The following PDE1C variants were observed in gnomAD, a reference collection of about 807,000 sequenced individuals.
PDE1C encodes phosphodiesterase 1C, also known as dual specificity calcium/calmodulin-dependent 3',5'-cyclic nucleotide phosphodiesterase 1C.
In PDE1C, 62 loss-of-function variants were observed where a neutral mutation model predicts 93.1. The observed-to-expected ratio is 0.67, with a 90% CI of 0.54 to 0.82. The LOEUF (loss-of-function observed/expected upper bound fraction) is 0.82. Ranked by LOEUF, PDE1C falls within the 40% of genes least tolerant of loss-of-function variation. PDE1C has a pLI of 0.00. For synonymous variants in PDE1C, 325 were observed against 310.1 expected (o/e 1.05, Z -0.50); for missense variants, 742 against 884.6 (o/e 0.84, Z 2.04).
intron 6 of PDE1C, among the ~76,000 whole-genome samples, chr7:31,867,031 A>T (rs1454379567): frequency 6.6e-6 from 1 of 152,032 alleles, no homozygotes; most frequent in Non-Finnish European, 1.5e-5. Context: ...AGCCCCCACC[A>T]GACTGCATAC....
At chr7:31,663,067 G>A in the PDE1C span, among the ~76,000 whole-genome samples, 4,790 of 152,094 alleles carry the variant, frequency 0.031, 156 homozygotes, top group African/African-American at 0.081. Context: ...TATAACTCCC[G>A]GTGCTGGACA....
chr7:31,931,140 G>A (rs1196156311), intron 2 of PDE1C, among the ~76,000 whole-genome samples: 3 of 152,108 alleles, frequency 2.0e-5, no homozygotes, highest in African/African-American at 7.2e-5. Context: ...CATACTGACT[G>A]GGTAAAAGCT....
intron 1 of PDE1C, among the ~76,000 whole-genome samples, chr7:32,339,664 A>G (rs1337606307): frequency 6.6e-6 from 1 of 152,184 alleles, no homozygotes; most frequent in Admixed American, 6.5e-5. Flanking sequence ...TGAGTCCCAG[A>G]AGCCCCATTG....
At chr7:31,807,787 C>T (rs1787042553) in intron 16 of PDE1C, among the ~76,000 whole-genome samples, 1 of 151,918 alleles carries the variant, frequency 6.6e-6, no homozygotes, top group African/African-American at 2.4e-5. Flanking sequence ...GGTATTTAAA[C>T]AAACCTTACC....
intron 1 of PDE1C, among the ~76,000 whole-genome samples, chr7:32,260,170 T>C (rs991363315): frequency 6.6e-6 from 1 of 152,132 alleles, no homozygotes; most frequent in Non-Finnish European, 1.5e-5. Flanking sequence ...AAGCAGAAAG[T>C]CTACGAAAAT....
chr7:32,179,141 C>A (rs961223915), intron 2 of PDE1C, among the ~76,000 whole-genome samples: 27 of 152,072 alleles, frequency 1.8e-4, no homozygotes, highest in African/African-American at 6.5e-4. Context: ...TATTACAGAG[C>A]AAGTAAACAG....
intron 1 of PDE1C, among the ~76,000 whole-genome samples, chr7:32,284,803 C>T (rs1230416167): frequency 5.3e-5 from 8 of 152,024 alleles, no homozygotes; most frequent in South Asian, 2.1e-4. Context: ...GAGGCTGAAG[C>T]GGGCAGATCA....
At chr7:31,680,443 G>A in the PDE1C span, among the ~76,000 whole-genome samples, 7 of 152,138 alleles carry the variant, frequency 4.6e-5, no homozygotes, top group African/African-American at 1.7e-4. Flanking sequence ...CGGAGAAGAG[G>A]GACCTTTATT....
rs191007533 is a variant in PDE1C, at chr7:32,196,878, A to T, written c.136+12611T>A. On this transcript the variant is annotated intron_variant, in intron 2 of 18. Transcript: ENST00000396193. The stretch of plus-strand genomic sequence containing the variant: ...TGGTGACTGATGAGGGAGAATAGAG[A>T]TGCATATATGATTTGTAGGTTTTCA... Among the ~76,000 whole-genome samples the T allele has an allele frequency of 4.3e-4, 66 of 152,308 alleles. 1 individual carries two copies. The highest frequency in any genetic ancestry group is 7.4e-5 in the Non-Finnish European group (5 of 68,020).
the PDE1C span, among the ~76,000 whole-genome samples, chr7:31,665,068 T>TTCCTTCC: frequency 2.6e-5 from 4 of 152,156 alleles, no homozygotes; most frequent in African/African-American, 7.2e-5. Context: ...TTCATACCAT[T>TTCCTTCC]TCCTTCCTCC....
chr7:31,948,689 A>G (rs895599080), intron 2 of PDE1C, among the ~76,000 whole-genome samples: 1 of 152,084 alleles, frequency 6.6e-6, no homozygotes, highest in Non-Finnish European at 1.5e-5. Flanking sequence ...CTAGGGGGAA[A>G]GATTTTTGGT....
intron 2 of PDE1C, among the ~76,000 whole-genome samples, chr7:31,991,714 A>ATG (rs1784162845): frequency 6.6e-6 from 1 of 152,192 alleles, no homozygotes; most frequent in South Asian, 2.1e-4. Flanking sequence ...TAAATAAAGT[A>ATG]TGTGTATGTC....
intron 3 of PDE1C, among the ~76,000 whole-genome samples, chr7:32,086,343 T>G (rs746216852): frequency 2.0e-3 from 298 of 152,036 alleles, no homozygotes; most frequent in Non-Finnish European, 3.4e-3. Flanking sequence ...CACTGCTCAA[T>G]GAAATAAAAG....
chr7:31,822,363 A>G (rs900670190), intron 14 of PDE1C, among the ~76,000 whole-genome samples: 1 of 152,070 alleles, frequency 6.6e-6, no homozygotes, highest in Non-Finnish European at 1.5e-5. Context: ...GCACAAGGGC[A>G]TCTCTCCCTA....
chr7:32,246,054 G>A (rs78352174), intron 1 of PDE1C, among the ~76,000 whole-genome samples: 15,977 of 144,262 alleles, frequency 0.11, 1,120 homozygotes, highest in East Asian at 0.3. Context: ...CTGAAGCCTC[G>A]AACTCCTGGA....
intron 3 of PDE1C, among the ~76,000 whole-genome samples, chr7:32,093,414 A>T (rs1415777470): frequency 6.6e-6 from 1 of 152,208 alleles, no homozygotes; most frequent in Non-Finnish European, 1.5e-5. Context: ...TGTCAACTGC[A>T]TCTCCTGCTT....
intron 1 of PDE1C, among the ~76,000 whole-genome samples, chr7:32,210,313 A>G (rs745515275): frequency 1.3e-5 from 2 of 152,228 alleles, no homozygotes; most frequent in Non-Finnish European, 2.9e-5. Flanking sequence ...TGTTGTATGT[A>G]TACATAGCAG....
At chr7:31,926,308 G>A (rs1016053963) in intron 2 of PDE1C, among the ~76,000 whole-genome samples, 3 of 152,146 alleles carry the variant, frequency 2.0e-5, no homozygotes, top group African/African-American at 7.2e-5. Context: ...CCTACATAGT[G>A]TACTGTCATG....
intron 2 of PDE1C, among the ~76,000 whole-genome samples, chr7:32,035,468 C>A (rs1291699400): frequency 6.7e-6 from 1 of 149,862 alleles, no homozygotes; most frequent in African/African-American, 2.5e-5. Flanking sequence ...TTTCTTTCCT[C>A]TTTCTTTAAC....
Sources: gnomAD v4.1 joint callset for allele counts (sites outside exome capture counted in the v4.1 genomes callset) on GRCh38, gnomAD v4.1.1 for gene constraint, MANE v1.5 for transcripts, NCBI Gene and HGNC (gene_info 2026-07-23, HGNC 2026-07-21) for gene names.